The following ADAMTSL1 variants were observed in gnomAD, a reference collection of about 807,000 sequenced individuals.
ADAMTSL1 encodes ADAMTS like 1, also known as ADAMTS-like protein 1.
A neutral mutation model predicts 201.8 loss-of-function variants in ADAMTSL1; 126 were observed. That is an observed-to-expected ratio of 0.62 (90% CI 0.54 to 0.72). The LOEUF (loss-of-function observed/expected upper bound fraction) is 0.72. ADAMTSL1 is among the 30% of genes least tolerant of loss of function. ADAMTSL1 has a pLI of 0.00. For synonymous variants in ADAMTSL1, 1,121 were observed against 903.4 expected (o/e 1.24, Z -4.32); for missense variants, 2,679 against 2,277.8 (o/e 1.18, Z -3.59).
At chr9:18,015,999 T>C (rs908902355) in intron 1 of ADAMTSL1, among the ~76,000 whole-genome samples, 4 of 152,088 alleles carry the variant, frequency 2.6e-5, no homozygotes, top group African/African-American at 9.7e-5. Context: ...TTAGTTATTA[T>C]GGCAGATCTA....
In ADAMTSL1 at chr9:18,723,377, G is replaced by A. The variant is rs1004920544; in HGVS notation, c.2006+1712G>A. 12 of 430,260 alleles carry A rather than the reference G, an allele frequency of 2.8e-5. No homozygotes were observed. The East Asian group carries it at 4.2e-4, about 15-fold the overall frequency. The allele number at this position is 430,260 out of a possible 1,614,324, so 26.7% of individuals were successfully genotyped here. The stretch of plus-strand genomic sequence containing the variant: ...GTAACAACACCCAAATGCTGAGGCA[G>A]TGCCGAGGAGTCAGTGCCTGGGACT... On this transcript the variant is annotated intron_variant, in intron 15 of 28. Transcript: ENST00000380548.
chr9:18,481,264 G>A (rs1359936602), intron 1 of ADAMTSL1, among the ~76,000 whole-genome samples: 1 of 152,160 alleles, frequency 6.6e-6, no homozygotes, highest in Non-Finnish European at 1.5e-5. Context: ...GTGGTTTTAG[G>A]CTGGGTGCAG....
At chr9:17,914,970 T>C (rs969893241) in intron 1 of ADAMTSL1, among the ~76,000 whole-genome samples, 1 of 152,224 alleles carries the variant, frequency 6.6e-6, no homozygotes, top group Non-Finnish European at 1.5e-5. Flanking sequence ...CTGTTGTTTT[T>C]ATTTATTTTC....
At chr9:18,096,460 G>T (rs956306206) in intron 1 of ADAMTSL1, among the ~76,000 whole-genome samples, 1 of 152,152 alleles carries the variant, frequency 6.6e-6, no homozygotes, top group Non-Finnish European at 1.5e-5. Context: ...GTAGCCACTG[G>T]CCCATGTGGC....
chr9:18,325,459 G>A (rs376016001), intron 2 of ADAMTSL1, among the ~76,000 whole-genome samples: 2 of 152,120 alleles, frequency 1.3e-5, no homozygotes, highest in Non-Finnish European at 2.9e-5. Context: ...AATCTCAAAC[G>A]TTATGTTGAG....
At chr9:18,892,661 G>A (rs1461746591) in intron 26 of ADAMTSL1, 65 bp downstream of exon 26, 4 of 1,502,190 alleles carry the variant, frequency 2.7e-6, no homozygotes, top group Non-Finnish European at 1.8e-6. Flanking sequence ...GCCACAGTAG[G>A]AAGTGAAATG....
chr9:18,417,777 G>A (rs950727751), intron 2 of ADAMTSL1, among the ~76,000 whole-genome samples: 3 of 152,090 alleles, frequency 2.0e-5, no homozygotes, highest in Admixed American at 6.5e-5. Context: ...TGGTTTCACC[G>A]CAATTTTTAC....
At chr9:18,064,956 T>A (rs1160527492) in intron 1 of ADAMTSL1, among the ~76,000 whole-genome samples, 2 of 9,512 alleles carry the variant, frequency 2.1e-4, no homozygotes, top group Non-Finnish European at 4.6e-4. Flanking sequence ...TGCTAAAGAT[T>A]TTTTTTTTTT....
At chr9:18,749,707 A>G (rs1819353583) in intron 15 of ADAMTSL1, among the ~76,000 whole-genome samples, 1 of 152,246 alleles carries the variant, frequency 6.6e-6, no homozygotes, top group South Asian at 2.1e-4. Context: ...TCTGCAAAAG[A>G]GAAGTAGGGA....
At chr9:18,282,159 C>A (rs1240296882) in intron 2 of ADAMTSL1, among the ~76,000 whole-genome samples, 1 of 152,148 alleles carries the variant, frequency 6.6e-6, no homozygotes, top group Non-Finnish European at 1.5e-5. Context: ...TCCATGTGTA[C>A]CCATTGTTGG....
chr9:18,256,265 G>T (rs1389260244), intron 2 of ADAMTSL1, among the ~76,000 whole-genome samples: 2 of 152,178 alleles, frequency 1.3e-5, no homozygotes, highest in Non-Finnish European at 2.9e-5. Flanking sequence ...CATCGTACAG[G>T]CTGGGACGTT....
At chr9:18,890,730 ACCCCAG>A in intron 25 of ADAMTSL1, 2 of 323,780 alleles carry the variant, frequency 6.2e-6, no homozygotes, top group South Asian at 4.5e-5. Context: ...AACCCCCCCC[ACCCCAG>A]CTCCTGAAAA....
chr9:18,000,864 C>A (rs923888765), intron 1 of ADAMTSL1, among the ~76,000 whole-genome samples: 5 of 152,114 alleles, frequency 3.3e-5, no homozygotes, highest in African/African-American at 1.2e-4. Flanking sequence ...GGTAAAACAA[C>A]TTTAACCAAC....
chr9:18,208,711 T>C (rs1421371064), intron 2 of ADAMTSL1, among the ~76,000 whole-genome samples: 1 of 152,318 alleles, frequency 6.6e-6, no homozygotes, highest in East Asian at 1.9e-4. Flanking sequence ...GTTGGGACTG[T>C]ATCCCAGGCA....
intron 2 of ADAMTSL1, among the ~76,000 whole-genome samples, chr9:18,384,274 G>A (rs1218567322): frequency 6.6e-6 from 1 of 152,072 alleles, no homozygotes; most frequent in African/African-American, 2.4e-5. Context: ...AGTGAAGGGG[G>A]AAGTGCCACA....
intron 15 of ADAMTSL1, among the ~76,000 whole-genome samples, chr9:18,743,060 G>A (rs1818934728): frequency 6.6e-6 from 1 of 152,070 alleles, no homozygotes; most frequent in African/African-American, 2.4e-5. Flanking sequence ...TTCTCAAGAG[G>A]CTCATATCTG....
chr9:18,624,365 C>G (rs1826228535), intron 5 of ADAMTSL1, among the ~76,000 whole-genome samples: 1 of 152,070 alleles, frequency 6.6e-6, no homozygotes, highest in Non-Finnish European at 1.5e-5. Context: ...GCATAATTCT[C>G]TTGTAAATCA....
chr9:18,680,274 G>C, intron 10 of ADAMTSL1, 38 bp from the exon 11 acceptor site: 1 of 1,596,786 alleles, frequency 6.3e-7, no homozygotes, highest in South Asian at 1.1e-5. Context: ...GCTTAGCAAT[G>C]TGCATGTCTG....
At chr9:18,521,662 G>T (rs1285048888) in intron 2 of ADAMTSL1, among the ~76,000 whole-genome samples, 1 of 152,040 alleles carries the variant, frequency 6.6e-6, no homozygotes, top group Non-Finnish European at 1.5e-5. Context: ...GTGCTGAATT[G>T]CCTCCTCTTG....
Sources: allele counts gnomAD v4.1 joint callset (sites outside exome capture counted in the v4.1 genomes callset), GRCh38; gene constraint gnomAD v4.1.1; transcripts MANE v1.5; gene names NCBI Gene and HGNC (gene_info 2026-07-23, HGNC 2026-07-21).